Variants in FAM110B observed in about 807,000 individuals in gnomAD.
FAM110B encodes the protein protein FAM110B.
In FAM110B, 6 loss-of-function variants were observed where a neutral mutation model predicts 20.4. The observed-to-expected ratio is 0.29, with a 90% confidence interval of 0.16 to 0.58. FAM110B has a LOEUF of 0.58. FAM110B is among the 20% of genes least tolerant of loss of function. The pLI is 0.90. For missense variants in FAM110B, 434 were observed against 498.2 expected (o/e 0.87, Z 1.23); for synonymous variants, 226 against 214.1 (o/e 1.06, Z -0.49).
intron 2 of FAM110B, among the ~76,000 whole-genome samples, chr8:58,037,493 T>C (rs1350035486): frequency 2.0e-5 from 3 of 151,716 alleles, no homozygotes; most frequent in African/African-American, 7.3e-5. Context: ...TTAAAAATTA[T>C]CCTAGTGTGT....
chr8:58,121,147 T>C (rs1430570904), intron 3 of FAM110B, among the ~76,000 whole-genome samples: 1 of 152,190 alleles, frequency 6.6e-6, no homozygotes, highest in Non-Finnish European at 1.5e-5. Context: ...TGAGGCGCGA[T>C]GAGCCTCCAG....
At chr8:58,034,751 C>T (rs529416423) in intron 2 of FAM110B, among the ~76,000 whole-genome samples, 102 of 152,290 alleles carry the variant, frequency 6.7e-4, no homozygotes, top group African/African-American at 2.3e-3. Flanking sequence ...ATACCTACTT[C>T]TGAGGGTTGC....
chr8:58,068,834 G>A (rs1585858549), intron 2 of FAM110B, among the ~76,000 whole-genome samples: 1 of 152,060 alleles, frequency 6.6e-6, no homozygotes, highest in East Asian at 1.9e-4. Context: ...GCATTTGACT[G>A]GCTGACTTCT....
At chr8:58,088,830 G>T (rs905945192) in intron 3 of FAM110B, among the ~76,000 whole-genome samples, 2 of 152,192 alleles carry the variant, frequency 1.3e-5, no homozygotes, top group Admixed American at 6.5e-5. Context: ...GGCTCATGGG[G>T]TGCAACATGT....
At chr8:58,054,219 G>A (rs1034927962) in intron 2 of FAM110B, among the ~76,000 whole-genome samples, 9 of 152,150 alleles carry the variant, frequency 5.9e-5, no homozygotes, top group African/African-American at 2.2e-4. Context: ...GGCAGCTATA[G>A]GCTAAATTTA....
At chr8:58,062,626 G>T (rs1409823530) in intron 2 of FAM110B, among the ~76,000 whole-genome samples, 1 of 152,174 alleles carries the variant, frequency 6.6e-6, no homozygotes, top group Non-Finnish European at 1.5e-5. Flanking sequence ...CAGACACACT[G>T]AAATATGATT....
chr8:58,109,403 A>G (rs1807003285), intron 3 of FAM110B, among the ~76,000 whole-genome samples: 1 of 152,226 alleles, frequency 6.6e-6, no homozygotes, highest in Non-Finnish European at 1.5e-5. Flanking sequence ...ACCTGTGTAA[A>G]TAGAACTCAT....
intron 3 of FAM110B, chr8:58,098,861 C>T (rs1010142791): frequency 6.6e-6 from 1 of 152,312 alleles, no homozygotes; most frequent in African/African-American, 2.4e-5. Context: ...TCTGCACCCA[C>T]TGTCTAACCA....
intron 3 of FAM110B, among the ~76,000 whole-genome samples, chr8:58,133,480 C>T (rs1195933786): frequency 6.6e-6 from 1 of 152,166 alleles, no homozygotes; most frequent in Non-Finnish European, 1.5e-5. Flanking sequence ...TACCACCACT[C>T]ACCATTCGGG....
chr8:58,053,280 G>T (rs995909515), intron 2 of FAM110B, among the ~76,000 whole-genome samples: 1 of 152,188 alleles, frequency 6.6e-6, no homozygotes, highest in African/African-American at 2.4e-5. Context: ...GCTGTCAGGT[G>T]GTGAGGAATG....
intron 2 of FAM110B, among the ~76,000 whole-genome samples, chr8:58,041,913 T>A (rs1805228311): frequency 6.6e-6 from 1 of 152,336 alleles, no homozygotes; most frequent in Admixed American, 6.5e-5. Context: ...GGAATTGAAA[T>A]TATTTCCTTG....
intron 2 of FAM110B, among the ~76,000 whole-genome samples, chr8:58,068,331 G>T (rs956407435): frequency 8.5e-5 from 13 of 152,142 alleles, no homozygotes; most frequent in African/African-American, 3.1e-4. Context: ...TTTTTTCAGG[G>T]TTTGCGTATG....
At chr8:58,097,108 G>T (rs1263090068) in intron 3 of FAM110B, among the ~76,000 whole-genome samples, 1 of 152,186 alleles carries the variant, frequency 6.6e-6, no homozygotes, top group African/African-American at 2.4e-5. Flanking sequence ...GGTTGGGGAA[G>T]TTTTCCTGCA....
At chr8:58,022,084 T>A (rs1052718038) in intron 1 of FAM110B, among the ~76,000 whole-genome samples, 9 of 152,178 alleles carry the variant, frequency 5.9e-5, no homozygotes, top group African/African-American at 1.9e-4. Context: ...CTGCTAGTAG[T>A]GTAGTCAGGC....
At chr8:58,124,787 T>C (rs981853421) in intron 3 of FAM110B, among the ~76,000 whole-genome samples, 1 of 152,232 alleles carries the variant, frequency 6.6e-6, no homozygotes, top group Non-Finnish European at 1.5e-5. Flanking sequence ...GTAGAATTCA[T>C]GAAGGAGACT....
chr8:58,041,683 C>T (rs1190732086), intron 2 of FAM110B, among the ~76,000 whole-genome samples: 6 of 152,200 alleles, frequency 3.9e-5, no homozygotes, highest in Admixed American at 3.9e-4. Flanking sequence ...TCAGCTGTCA[C>T]CAACTTGTGA....
chr8:58,144,077 G>A, intron 3 of FAM110B, among the ~76,000 whole-genome samples: 1 of 152,208 alleles, frequency 6.6e-6, no homozygotes, highest in South Asian at 2.1e-4. Flanking sequence ...GAAGGGAGAT[G>A]AACTTTGTCT....
intron 3 of FAM110B, among the ~76,000 whole-genome samples, chr8:58,141,376 T>C (rs1459749151): frequency 4.6e-5 from 7 of 152,228 alleles, no homozygotes; most frequent in African/African-American, 1.7e-4. Context: ...GCTAAAGACA[T>C]TTTTCAGCTC....
At chr8:58,092,341 A>C (rs1806502726) in intron 3 of FAM110B, among the ~76,000 whole-genome samples, 1 of 151,982 alleles carries the variant, frequency 6.6e-6, no homozygotes, top group Admixed American at 6.6e-5. Context: ...GGTTTGCTGC[A>C]CCCATCAACC....
Sources: gnomAD v4.1 joint callset for allele counts (sites outside exome capture counted in the v4.1 genomes callset) on GRCh38, gnomAD v4.1.1 for gene constraint, MANE v1.5 for transcripts, NCBI Gene and HGNC (gene_info 2026-07-23, HGNC 2026-07-21) for gene names.